Variants in TBCK observed in about 807,000 individuals in gnomAD.
The protein encoded by TBCK is TBC domain-containing protein kinase-like protein.
Under a neutral mutation model 113.4 loss-of-function variants are expected in TBCK, and 99 were observed. The ratio of observed to expected loss-of-function variants is 0.87; its 90% confidence interval spans 0.74 to 1.03. TBCK has a LOEUF of 1.03. Among genes scored for constraint, TBCK ranks in the 50% least tolerant of loss-of-function variants. TBCK has a pLI of 0.00. For missense variants in TBCK, 1,045 were observed against 1,061.3 expected (o/e 0.98, Z 0.21); for synonymous variants, 369 against 370.8 (o/e 1.00, Z 0.05).
intron 23 of TBCK, among the ~76,000 whole-genome samples, chr4:106,156,665 G>C (rs1199460481): frequency 6.6e-6 from 1 of 152,156 alleles, no homozygotes; most frequent in Non-Finnish European, 1.5e-5. Context: ...AACCCATGGA[G>C]AGTATTGCTA....
intron 23 of TBCK, among the ~76,000 whole-genome samples, chr4:106,154,336 G>T (rs1221917617): frequency 1.3e-5 from 2 of 152,102 alleles, no homozygotes; most frequent in African/African-American, 4.8e-5. Context: ...CAAGCAAAAA[G>T]AAAATTAAAA....
chr4:106,164,823 T>C (rs1329585959), intron 23 of TBCK, among the ~76,000 whole-genome samples: 1 of 151,638 alleles, frequency 6.6e-6, no homozygotes, highest in African/African-American at 2.4e-5. Context: ...TTGGAAACTA[T>C]TTGAACCAAA....
At chr4:106,197,759 A>C (rs1191865215) in intron 20 of TBCK, among the ~76,000 whole-genome samples, 1 of 151,982 alleles carries the variant, frequency 6.6e-6, no homozygotes, top group Non-Finnish European at 1.5e-5. Context: ...GTCACCCCCA[A>C]ACTGCCTCTT....
chr4:106,196,890 C>T (rs1470650078), intron 20 of TBCK, among the ~76,000 whole-genome samples: 1 of 152,098 alleles, frequency 6.6e-6, no homozygotes, highest in Non-Finnish European at 1.5e-5. Context: ...ATTTCAGCAA[C>T]TAGCTAACAG....
chr4:106,148,533 G>T (rs1211896042), intron 23 of TBCK, among the ~76,000 whole-genome samples: 1 of 152,134 alleles, frequency 6.6e-6, no homozygotes, highest in African/African-American at 2.4e-5. Context: ...TTATTTTCCT[G>T]TACATATCCA....
At chr4:106,306,728 A>T (rs932910161) in intron 2 of TBCK, among the ~76,000 whole-genome samples, 6 of 152,286 alleles carry the variant, frequency 3.9e-5, no homozygotes, top group Admixed American at 6.5e-5. Context: ...CTTCAAAGCT[A>T]GGTTTCTATC....
chr4:106,105,412 A>G (rs893846838), intron 24 of TBCK, among the ~76,000 whole-genome samples: 6 of 152,204 alleles, frequency 3.9e-5, no homozygotes, highest in Admixed American at 1.3e-4. Flanking sequence ...GGGAAGGAAT[A>G]TAAACTCTGA....
Position 106,087,183 on chromosome 4 carries a change from C to T in TBCK, c.2571+8299G>A, listed in dbSNP as rs1033441196. ...TAACATGATTTTATATTTATAAAAC[C>T]ACATCATCTCAGCCCCAAAACTTCT... On this transcript the variant is annotated intron_variant, in intron 25 of 25. Transcript: ENST00000394708. 2.0e-5 allele frequency among the ~76,000 whole-genome samples: 3 copies of T among 152,242 alleles called. No individual in the cohort carries two copies. In the South Asian group the frequency reaches 6.2e-4, roughly 32 times the overall value.
In TBCK at chr4:106,174,620, CA is replaced by C. The variant is rs374322499; in HGVS notation, c.2060-3351del. On this transcript the variant is annotated intron_variant, in intron 22 of 25. Transcript: ENST00000394708. Reference sequence around the variant, plus strand: ...ATCCCTGAGTAGTCCTTCAGTTACACAAAAAGTATGTTTTTGATGTTTGTGA... The same window carrying C: ...ATCCCTGAGTAGTCCTTCAGTTACACAAAAGTATGTTTTTGATGTTTGTGA... Among the ~76,000 whole-genome samples, 761 of 152,180 alleles carry C rather than the reference CA, an allele frequency of 5.0e-3. 4 individuals carry two copies. The highest frequency in any genetic ancestry group is 0.018 in the African/African-American group (733 of 41,540).
chr4:106,256,264 A>T (rs1287083799), intron 5 of TBCK, among the ~76,000 whole-genome samples: 1 of 152,074 alleles, frequency 6.6e-6, no homozygotes, highest in Non-Finnish European at 1.5e-5. Flanking sequence ...CCTTCTACCC[A>T]GGAACCTGTC....
At chr4:106,213,198 G>A (rs1756373555) in intron 19 of TBCK, among the ~76,000 whole-genome samples, 2 of 152,112 alleles carry the variant, frequency 1.3e-5, no homozygotes, top group Admixed American at 1.3e-4. Context: ...CTTAAATGAA[G>A]GAGAACATTT....
intron 23 of TBCK, among the ~76,000 whole-genome samples, chr4:106,156,535 G>C (rs1749145160): frequency 1.3e-5 from 2 of 152,158 alleles, no homozygotes; most frequent in South Asian, 4.1e-4. Flanking sequence ...CCTTAGAAGT[G>C]TGCCTAGTGT....
At chr4:106,310,112 C>T (rs1402352617) in intron 1 of TBCK, 1 of 152,144 alleles carries the variant, frequency 6.6e-6, no homozygotes, top group African/African-American at 2.4e-5. Flanking sequence ...CTGCATTTTT[C>T]CCTTCTCAGC....
chr4:106,138,915 G>C (rs966774067), intron 23 of TBCK, among the ~76,000 whole-genome samples: 1 of 140,830 alleles, frequency 7.1e-6, no homozygotes, highest in African/African-American at 2.5e-5. Context: ...ATACTGATCT[G>C]GAGTTTCAGT....
At chr4:106,227,039 TC>T (rs751899629) in intron 19 of TBCK, among the ~76,000 whole-genome samples, 1 of 152,094 alleles carries the variant, frequency 6.6e-6, no homozygotes, top group Non-Finnish European at 1.5e-5. Context: ...TTAGAAAAAG[TC>T]AAAGCAAAAA....
At chr4:106,152,112 T>C (rs1364192652) in intron 23 of TBCK, among the ~76,000 whole-genome samples, 1 of 151,972 alleles carries the variant, frequency 6.6e-6, no homozygotes, top group African/African-American at 2.4e-5. Context: ...GTACTTCCAG[T>C]AGTGTGATGA....
chr4:106,065,450 G>C (rs1399684573), intron 25 of TBCK, among the ~76,000 whole-genome samples: 2 of 152,042 alleles, frequency 1.3e-5, no homozygotes, highest in South Asian at 4.1e-4. Context: ...ACTTTGCCGT[G>C]TTTTTCATTT....
At chr4:106,087,266 A>G (rs1294739800) in intron 25 of TBCK, among the ~76,000 whole-genome samples, 1 of 152,248 alleles carries the variant, frequency 6.6e-6, no homozygotes, top group Non-Finnish European at 1.5e-5. Context: ...TGCAAAAATC[A>G]CAAGCATTCC....
rs374299968 is a variant in TBCK at position 106,225,718 on chromosome 4, A to G, written c.1774+4645T>C. ...GTGATCTGCCCTCCTCGGCCTCCCA[A>G]AGTGCTGGGATTACAGGCGTGAGCC... On this transcript the variant is annotated intron_variant, in intron 19 of 25. Coordinates refer to ENST00000394708, the MANE Select transcript of TBCK (RefSeq NM_001163435.3). 2.2e-3 allele frequency among the ~76,000 whole-genome samples: 331 copies of G among 152,136 alleles called. 2 individuals are homozygous for G. The highest frequency in any genetic ancestry group is 7.0e-3 in the African/African-American group (289 of 41,526).
Sources: allele counts gnomAD v4.1 joint callset (sites outside exome capture counted in the v4.1 genomes callset), GRCh38; gene constraint gnomAD v4.1.1; transcripts MANE v1.5; gene names NCBI Gene and HGNC (gene_info 2026-07-23, HGNC 2026-07-21).